The following DTNBP1 variants were observed in gnomAD, a reference collection of about 807,000 sequenced individuals.
DTNBP1 encodes the protein dystrobrevin binding protein 1.
Under a neutral mutation model 42.8 loss-of-function variants are expected in DTNBP1, and 35 were observed. The observed-to-expected ratio is 0.82, with a 90% CI of 0.63 to 1.09. The LOEUF (loss-of-function observed/expected upper bound fraction) is 1.09. Among genes scored for constraint, DTNBP1 ranks in the 50% least tolerant of loss-of-function variants. The probability of loss-of-function intolerance (pLI) is 0.00; values close to 1 mark genes in which losing one functional copy is unlikely to be tolerated. For missense variants in DTNBP1, 457 were observed against 424.2 expected, an observed-to-expected ratio of 1.08 and a Z score of -0.68; for synonymous variants, 171 against 162.2, an observed-to-expected ratio of 1.05 and a Z score of -0.41.
At chr6:15,637,880 A>G (rs1760124336) in intron 3 of DTNBP1, 76 bp from the exon 4 acceptor site, 2 of 1,441,764 alleles carry the variant, frequency 1.4e-6, no homozygotes, top group Non-Finnish European at 1.9e-6. Flanking sequence ...TGAATGTGGA[A>G]TATCCTGTGG....
chr6:15,652,035 A>C (rs369225897), intron 2 of DTNBP1, 52 bp downstream of exon 2: 96 of 1,508,996 alleles, frequency 6.4e-5, no homozygotes, highest in Non-Finnish European at 8.6e-5. Context: ...ATACACCAAA[A>C]GTTGTATGAA....
chr6:15,636,965 C>G (rs1281208096), intron 4 of DTNBP1, among the ~76,000 whole-genome samples: 1 of 152,160 alleles, frequency 6.6e-6, no homozygotes, highest in Admixed American at 6.5e-5. Flanking sequence ...TTCAAAGTAT[C>G]TATTCTGCCT....
intron 8 of DTNBP1, among the ~76,000 whole-genome samples, chr6:15,528,040 T>G (rs994452602): frequency 3.3e-5 from 5 of 152,210 alleles, no homozygotes; most frequent in African/African-American, 1.2e-4. Flanking sequence ...AAAGATCCAA[T>G]ACCACTAAGA....
chr6:15,523,058 C>T lies in DTNBP1; in HGVS notation c.973G>A (p.Glu325Lys). 1 of 1,614,090 alleles carries T rather than the reference C, an allele frequency of 6.2e-7. No homozygotes were observed. Among genetic ancestry groups the T allele is most frequent in the Non-Finnish European group, 8.5e-7 (1 of 1,179,952 alleles). The change falls in exon 10 of 10, where the codon GAA becomes AAA. Residue 325 changes from glutamate to lysine, a missense_variant. Transcript: ENST00000344537. ...ESPVVQSDEE[E>K]VQVDTALATS... Reference sequence around the variant, plus strand: ...GCCAGGGCAGTGTCCACCTGAACTTCCTCCTCATCGGACTGAACAACGGGG... The same window carrying T: ...GCCAGGGCAGTGTCCACCTGAACTTTCTCCTCATCGGACTGAACAACGGGG...
chr6:15,604,112 C>T (rs898379572), intron 6 of DTNBP1, among the ~76,000 whole-genome samples: 2 of 152,212 alleles, frequency 1.3e-5, no homozygotes, highest in African/African-American at 4.8e-5. Flanking sequence ...ACAGGGCTCA[C>T]CTCACTTGTT....
chr6:15,547,116 C>T (rs1773925483), intron 7 of DTNBP1, among the ~76,000 whole-genome samples: 1 of 152,080 alleles, frequency 6.6e-6, no homozygotes, highest in South Asian at 2.1e-4. Flanking sequence ...TAGATCACTA[C>T]AGGAATCTTT....
intron 6 of DTNBP1, among the ~76,000 whole-genome samples, chr6:15,614,546 A>T (rs1470682861): frequency 2.6e-5 from 4 of 152,156 alleles, no homozygotes; most frequent in African/African-American, 9.7e-5. Context: ...CACGGACTTC[A>T]GAAATACCAA....
intron 7 of DTNBP1, among the ~76,000 whole-genome samples, chr6:15,543,772 C>G (rs779070874): frequency 1.3e-5 from 2 of 152,170 alleles, no homozygotes; most frequent in Non-Finnish European, 2.9e-5. Flanking sequence ...GTCACCTGTT[C>G]TGTAACTGTC....
intron 7 of DTNBP1, chr6:15,546,063 C>CTTTT (rs34253215): frequency 0.015 from 4,767 of 309,028 alleles, 22 homozygotes; most frequent in South Asian, 0.021. Context: ...ACCTCCAGTT[C>CTTTT]TTTTTTTTTT....
At chr6:15,627,541 G>A (rs561714902) in intron 4 of DTNBP1, 66 bp from the exon 5 acceptor site, 20 of 1,600,740 alleles carry the variant, frequency 1.2e-5, no homozygotes, top group Middle Eastern at 1.7e-4. Flanking sequence ...TACAGTTAAC[G>A]TAATGAGATT....
At chr6:15,639,250 G>A (rs1399370537) in intron 3 of DTNBP1, among the ~76,000 whole-genome samples, 2 of 152,148 alleles carry the variant, frequency 1.3e-5, no homozygotes. Flanking sequence ...CTAACACTGG[G>A]AAAGCTGAAA....
intron 7 of DTNBP1, among the ~76,000 whole-genome samples, chr6:15,588,635 G>C (rs1471076861): frequency 6.6e-6 from 1 of 152,200 alleles, no homozygotes; most frequent in African/African-American, 2.4e-5. Context: ...ATTCAAGGCT[G>C]GGTACCAGTT....
At chr6:15,592,470 C>T (rs1239993293) in intron 7 of DTNBP1, among the ~76,000 whole-genome samples, 2 of 152,190 alleles carry the variant, frequency 1.3e-5, no homozygotes, top group East Asian at 3.9e-4. Flanking sequence ...CAGTAAGGGT[C>T]AACATAACCA....
At chr6:15,647,543 T>C (rs936512200) in intron 3 of DTNBP1, among the ~76,000 whole-genome samples, 6 of 151,118 alleles carry the variant, frequency 4.0e-5, no homozygotes, top group Non-Finnish European at 7.4e-5. Flanking sequence ...AATTAACAAA[T>C]GTTTACCTAG....
intron 6 of DTNBP1, among the ~76,000 whole-genome samples, chr6:15,608,170 T>C (rs927333617): frequency 1.3e-5 from 2 of 152,132 alleles, no homozygotes; most frequent in African/African-American, 2.4e-5. Flanking sequence ...CAATATCACA[T>C]AAATACTGTT....
intron 7 of DTNBP1, among the ~76,000 whole-genome samples, chr6:15,567,540 A>C (rs1298631451): frequency 1.3e-5 from 2 of 152,176 alleles, no homozygotes; most frequent in African/African-American, 4.8e-5. Context: ...ATACTCCTTT[A>C]GATGATAACT....
At chr6:15,595,329 A>C (rs989260563) in intron 6 of DTNBP1, 7 of 371,088 alleles carry the variant, frequency 1.9e-5, no homozygotes, top group Non-Finnish European at 3.5e-5. Context: ...CAGCGGTGTG[A>C]TCTTGGCTCA....
chr6:15,556,155 C>T (rs1043525693), intron 7 of DTNBP1, among the ~76,000 whole-genome samples: 1 of 151,986 alleles, frequency 6.6e-6, no homozygotes, highest in Non-Finnish European at 1.5e-5. Flanking sequence ...GGTTAGAGTC[C>T]CTCCTAAGAA....
At chr6:15,613,623 C>A (rs533131990) in intron 6 of DTNBP1, among the ~76,000 whole-genome samples, 4 of 152,140 alleles carry the variant, frequency 2.6e-5, no homozygotes, top group African/African-American at 9.6e-5. Context: ...GCCTTGGCCT[C>A]CCAAAATGCT....
Sources: allele counts gnomAD v4.1 joint callset (sites outside exome capture counted in the v4.1 genomes callset), GRCh38; gene constraint gnomAD v4.1.1; transcripts MANE v1.5; gene names NCBI Gene and HGNC (gene_info 2026-07-23, HGNC 2026-07-21).